The following ZNF616 variants were observed in gnomAD, a reference collection of about 807,000 sequenced individuals.
The protein encoded by ZNF616 is zinc finger protein 616.
A neutral mutation model predicts 7.6 loss-of-function variants in ZNF616; 5 were observed. That is an observed-to-expected ratio of 0.66 (90% CI 0.34 to 1.38). ZNF616 has a LOEUF of 1.38. Among genes scored for constraint, ZNF616 ranks in the 40% most tolerant of loss-of-function variants. The pLI is 0.04. For missense variants in ZNF616, 913 were observed against 948.3 expected (o/e 0.96, Z 0.49); for synonymous variants, 319 against 317.2 (o/e 1.01, Z -0.06).
chr19:52,115,142 T>C lies in ZNF616; in HGVS notation c.2022A>G (p.Ser674=). Residue 674 remains serine (S), a synonymous_variant, in exon 4 of 4, where the codon TCA becomes TCG. Transcript: ENST00000600228. The part of the protein sequence containing the change: ...NECGKTFKRS[S]NLTAHQIIHA... Reference sequence around the variant, plus strand: ...GAATTATCTGATGTGCAGTGAGGTTTGAGCTCCGTTTAAAGGTTTTGCCAC... The same window carrying C: ...GAATTATCTGATGTGCAGTGAGGTTCGAGCTCCGTTTAAAGGTTTTGCCAC... 1 of 1,614,182 alleles carries C rather than the reference T, an allele frequency of 6.2e-7. No individual in the cohort carries two copies. The highest frequency in any genetic ancestry group is 8.5e-7 in the Non-Finnish European group (1 of 1,180,022).
At chr19:52,127,118 G>A (rs556163611) in intron 2 of ZNF616, among the ~76,000 whole-genome samples, 1 of 151,790 alleles carries the variant, frequency 6.6e-6, no homozygotes, top group African/African-American at 2.4e-5. Flanking sequence ...GCAGTGGCAC[G>A]ATCTCAGCTC....
rs753954114 is a variant in ZNF616, at chr19:52,116,957, G to C, written c.207C>G (p.Phe69Leu). 8.1e-6 allele frequency: 13 copies of C among 1,612,934 alleles called. No individual in the cohort carries two copies. Among genetic ancestry groups the C allele is most frequent in the African/African-American group, 1.3e-5 (1 of 74,850 alleles). Residue 69 changes from phenylalanine (F) to leucine (L), a missense_variant, in exon 4 of 4, where the codon TTC becomes TTG. Physicochemically the swap from Phe to Leu is conservative, Grantham distance 22. Transcript: ENST00000600228. ...PTENSNTGER[F>L]QTVALERHQS... is the part of the protein sequence containing the mutation. ...GATGTCTTTCCAGTGCCACTGTTTG[G>C]AACCTTTCTCCTGTATTACTGTTCT... is the stretch of plus-strand genomic sequence containing the variant.
chr19:52,114,702 C>A lies in ZNF616; in HGVS notation c.*116G>T. On this transcript the variant is annotated 3_prime_UTR_variant, in exon 4 of 4. Transcript: ENST00000600228. ...CATGATTCAATCACCTCCCAATGGG[C>A]CCCACCTCCAATACTGGAGATTACA... 1.6e-6 allele frequency: 2 copies of A among 1,238,400 alleles called. No individual in the cohort carries two copies. Among genetic ancestry groups the A allele is most frequent in the South Asian group, 1.6e-5 (1 of 63,962 alleles). 76.7% of individuals were successfully genotyped at this position (1,238,400 alleles called of 1,614,324 possible).
At position 52,115,083 on chromosome 19, in the gene ZNF616, C is replaced by T; in HGVS notation, c.2081G>A (p.Cys694Tyr). 1 of 1,614,180 alleles carries T rather than the reference C, an allele frequency of 6.2e-7. No individual in the cohort carries two copies. The highest frequency in any genetic ancestry group is 8.5e-7 in the Non-Finnish European group (1 of 1,180,022). Residue 694 changes from cysteine to tyrosine, a missense_variant, in exon 4 of 4, where the codon TGT (cysteine) becomes TAT (tyrosine). Physicochemically the swap from Cys to Tyr is radical, Grantham distance 194 (BLOSUM62 -2). Transcript: ENST00000600228. Reference sequence around the variant, plus strand: ...TGAACTATGCCTGAATACCTTGCCACATTCATCACATTTATATGGTTTCTT... The same window carrying T: ...TGAACTATGCCTGAATACCTTGCCATATTCATCACATTTATATGGTTTCTT... The part of the protein sequence containing the change: ...AGKKPYKCDE[C>Y]GKVFRHSSHL...
In ZNF616 at chr19:52,116,101, A is replaced by C; in HGVS notation, c.1063T>G (p.Cys355Gly). Residue 355 changes from cysteine to glycine, a missense_variant, in exon 4 of 4, where the codon TGT (cysteine) becomes GGT (glycine). Physicochemically the swap from Cys to Gly is radical, Grantham distance 159. Transcript: ENST00000600228. ...CTGAATGCCTTGCCACATACATCAC[A>C]TTTATATGGTTTCTTTCCTGCATGG... ...VIHAGKKPYK[C>G]DVCGKAFRHR... The C allele has an allele frequency of 6.2e-7, 1 of 1,614,170 alleles. No homozygotes were observed. The highest frequency in any genetic ancestry group is 8.5e-7 in the Non-Finnish European group (1 of 1,180,034).
rs2089041173 is a variant in ZNF616, at chr19:52,139,619, A to T, written c.-77+113T>A. On this transcript the variant is annotated intron_variant, in intron 1 of 3. Coordinates refer to ENST00000600228, the MANE Select transcript of ZNF616 (RefSeq NM_178523.5). The surrounding 1 kb of genome is among the most constrained non-coding windows in gnomAD (Gnocchi z 4.1). The stretch of plus-strand genomic sequence containing the variant: ...GGGGTCAATGAGAGTTTTAAGCAGG[A>T]ACACGACCTGAATGGGGTTATCGAC... 1 of 152,248 alleles carries T rather than the reference A, an allele frequency of 6.6e-6. No homozygotes were observed. The highest frequency in any genetic ancestry group is 6.5e-5 in the Admixed American group (1 of 15,274). The allele number at this position is 152,248 out of a possible 1,614,324, so 9.4% of individuals were successfully genotyped here.
chr19:52,137,201 G>A (rs2089018809), intron 1 of ZNF616, among the ~76,000 whole-genome samples: 4 of 151,678 alleles, frequency 2.6e-5, no homozygotes. Context: ...GGTGGATCAT[G>A]AGGTCAGGAG....
intron 3 of ZNF616, among the ~76,000 whole-genome samples, chr19:52,118,452 A>G (rs534314006): frequency 1.3e-5 from 2 of 152,324 alleles, no homozygotes; most frequent in Admixed American, 1.3e-4. Context: ...TGAGGACCCA[A>G]TCCTCAATGT....
At chr19:52,117,701 A>T (rs1362712855) in intron 3 of ZNF616, among the ~76,000 whole-genome samples, 1 of 152,186 alleles carries the variant, frequency 6.6e-6, no homozygotes, top group African/African-American at 2.4e-5. Context: ...ACAGCATATG[A>T]TAACTAGAAA....
intron 3 of ZNF616, 38 bp from the exon 4 acceptor site, chr19:52,117,062 A>G: frequency 2.0e-6 from 3 of 1,496,392 alleles, no homozygotes; most frequent in Non-Finnish European, 2.7e-6. Flanking sequence ...TTTTTAAACT[A>G]CTACTATTGA....
At chr19:52,130,869 C>T (rs897345499) in intron 1 of ZNF616, among the ~76,000 whole-genome samples, 1 of 152,232 alleles carries the variant, frequency 6.6e-6, no homozygotes, top group South Asian at 2.1e-4. Flanking sequence ...CTGATCAAAC[C>T]CCATGCAGCG....
rs770800497 is a variant in ZNF616 at position 52,116,758 on chromosome 19, T to C, written c.406A>G (p.Ile136Val). Residue 136 changes from isoleucine (I) to valine (V), a missense_variant, in exon 4 of 4, where the codon ATT becomes GTT. Transcript: ENST00000600228. ...HSQGDVENNHIENQLTSNFES... is the reference protein window; with the variant it reads ...HSQGDVENNHVENQLTSNFES... Reference sequence around the variant, plus strand: ...AAGTTTGATGTAAGCTGGTTTTCAATATGATTGTTTTCTACATCCCCTTGA... The same window carrying C: ...AAGTTTGATGTAAGCTGGTTTTCAACATGATTGTTTTCTACATCCCCTTGA... 6.8e-6 allele frequency: 11 copies of C among 1,614,070 alleles called. No individual in the cohort carries two copies. Among genetic ancestry groups the C allele is most frequent in the Non-Finnish European group, 9.3e-6 (11 of 1,180,044 alleles).
intron 2 of ZNF616, among the ~76,000 whole-genome samples, chr19:52,125,498 C>T (rs1007051284): frequency 5.9e-5 from 9 of 152,224 alleles, no homozygotes; most frequent in African/African-American, 2.2e-4. Flanking sequence ...TCTTCTTTGA[C>T]TCTATGTCCC....
chr19:52,127,065 T>A (rs2088915246), intron 2 of ZNF616, among the ~76,000 whole-genome samples: 1 of 152,108 alleles, frequency 6.6e-6, no homozygotes, highest in Non-Finnish European at 1.5e-5. Context: ...GGAATTTTTT[T>A]TTTTTTTAGA....
chr19:52,128,741 CAAA>C (rs201369673), intron 2 of ZNF616, among the ~76,000 whole-genome samples: 4 of 70,462 alleles, frequency 5.7e-5, no homozygotes, highest in Non-Finnish European at 5.9e-5. Flanking sequence ...AACTCCGTCT[CAAA>C]AAAAAAAAAA....
chr19:52,133,051 T>C (rs1245334321), intron 1 of ZNF616, among the ~76,000 whole-genome samples: 1 of 152,082 alleles, frequency 6.6e-6, no homozygotes, highest in Non-Finnish European at 1.5e-5. Flanking sequence ...AGAAATACAT[T>C]GGATTTAGAA....
chr19:52,118,296 T>C (rs1035592381), intron 3 of ZNF616, among the ~76,000 whole-genome samples: 16 of 152,126 alleles, frequency 1.1e-4, no homozygotes, highest in African/African-American at 3.6e-4. Context: ...AAAATATATA[T>C]CATCAAGAGA....
intron 1 of ZNF616, among the ~76,000 whole-genome samples, chr19:52,132,563 A>G (rs2088969551): frequency 6.6e-6 from 1 of 152,102 alleles, no homozygotes; most frequent in South Asian, 2.1e-4. Flanking sequence ...GCTGTTCTTT[A>G]TCACAGTGAG....
intron 2 of ZNF616, among the ~76,000 whole-genome samples, chr19:52,127,648 T>C (rs1483576790): frequency 6.6e-6 from 1 of 152,184 alleles, no homozygotes; most frequent in East Asian, 1.9e-4. Context: ...TATTTTTGCT[T>C]TTGTGGTATA....
Sources: gnomAD v4.1 joint callset for allele counts (sites outside exome capture counted in the v4.1 genomes callset) on GRCh38, gnomAD v4.1.1 for gene constraint, Gnocchi (gnomAD v3.1) non-coding constraint, MANE v1.5 for transcripts, NCBI Gene and HGNC (gene_info 2026-07-23, HGNC 2026-07-21) for gene names.